PPFIA2: variants seen among roughly 807,000 people sequenced by gnomAD.
PPFIA2 encodes liprin-alpha-2.
In PPFIA2, 46 loss-of-function variants were observed where a neutral mutation model predicts 175.5. The observed-to-expected ratio is 0.26, with a 90% CI of 0.21 to 0.34. The LOEUF (loss-of-function observed/expected upper bound fraction) is 0.34. PPFIA2 is among the 10% of genes least tolerant of loss of function. The pLI is 1.00. For synonymous variants in PPFIA2, 568 were observed against 511.4 expected (o/e 1.11, Z -1.49); for missense variants, 1,179 against 1,506.1 (o/e 0.78, Z 3.60).
At chr12:81,363,910 C>T (rs2032058294) in intron 14 of PPFIA2, among the ~76,000 whole-genome samples, 1 of 151,830 alleles carries the variant, frequency 6.6e-6, no homozygotes, top group Non-Finnish European at 1.5e-5. Flanking sequence ...GCGCTGAGTA[C>T]CTCTTGTGTG....
intron 3 of PPFIA2, among the ~76,000 whole-genome samples, chr12:81,707,743 T>G (rs1260946891): frequency 6.6e-6 from 1 of 151,426 alleles, no homozygotes; most frequent in Non-Finnish European, 1.5e-5. Flanking sequence ...TGCGGCACTA[T>G]TCACAATAGC....
At chr12:81,462,934 G>A (rs929407056) in intron 4 of PPFIA2, among the ~76,000 whole-genome samples, 4 of 151,718 alleles carry the variant, frequency 2.6e-5, no homozygotes, top group Non-Finnish European at 5.9e-5. Flanking sequence ...TTTGTTCATT[G>A]GATCTATCAC....
In PPFIA2 at chr12:81,457,800, T is replaced by C; in HGVS notation, c.370A>G (p.Ile124Val). 6.2e-7 allele frequency: 1 copy of C among 1,610,846 alleles called. No individual in the cohort carries two copies. The highest frequency in any genetic ancestry group is 8.5e-7 in the Non-Finnish European group (1 of 1,178,452). The change falls in exon 5 of 33, where the codon ATC becomes GTC. Residue 124 changes from isoleucine to valine, a missense_variant. Coordinates refer to ENST00000549396, the MANE Select transcript of PPFIA2 (RefSeq NM_003625.5). ...TTTCTTTCAGCTTTAAGTTCAGAGA[T>C]TTCTTCTTCCTTTTCTAGAAGTTGT... Reference protein sequence around the residue: ...REQLLEKEEEISELKAERNNT... With the variant: ...REQLLEKEEEVSELKAERNNT...
At chr12:81,415,211 ATATATATATATATATATATAT>A (rs1472354186) in intron 7 of PPFIA2, among the ~76,000 whole-genome samples, 2 of 8,842 alleles carry the variant, frequency 2.3e-4, no homozygotes, top group African/African-American at 3.6e-4. Context: ...AAAAAAAAAA[ATATATATATATATATATATAT>A]ATATATATAT....
chr12:81,345,292 T>A lies in PPFIA2; in HGVS notation c.2233-599A>T, dbSNP rs970284741. Reference sequence around the variant, plus strand: ...CAATTGATGACAGAATTATATTAGGTGTTAAGGACTTCCTGGATTTCATTT... The same window carrying A: ...CAATTGATGACAGAATTATATTAGGAGTTAAGGACTTCCTGGATTTCATTT... On this transcript the variant is annotated intron_variant, in intron 18 of 32. Coordinates refer to ENST00000549396, the MANE Select transcript of PPFIA2 (RefSeq NM_003625.5). Among the ~76,000 whole-genome samples the A allele has an allele frequency of 5.9e-5, 9 of 152,270 alleles. No homozygotes were observed. The South Asian group carries it at 8.3e-4, about 14-fold the overall frequency.
chr12:81,311,732 CAAA>C lies in PPFIA2; in HGVS notation c.2643-12353_2643-12351del, dbSNP rs1050904857. Among the ~76,000 whole-genome samples, 295 of 48,352 alleles carry C rather than the reference CAAA, an allele frequency of 6.1e-3. 1 individual carries two copies. Among genetic ancestry groups the C allele is most frequent in the African/African-American group, 0.023 (270 of 11,688 alleles). The allele number at this position is 48,352 out of a possible 152,430, so 31.7% of individuals were successfully genotyped here. A position where few individuals can be genotyped will look rare whatever the true frequency, so the allele number is the denominator to read the frequency against. ...TGGGCAACATAGCAAGACTCTGTCTCAAAAAAAAAAAAAAAAAAAAGAAAGAAA... is the reference window on the plus strand; with the variant it reads ...TGGGCAACATAGCAAGACTCTGTCTCAAAAAAAAAAAAAAAAAGAAAGAAA... On this transcript the variant is annotated intron_variant, in intron 22 of 32. Coordinates refer to ENST00000549396, the MANE Select transcript of PPFIA2 (RefSeq NM_003625.5).
In PPFIA2 at chr12:81,585,853, G is replaced by A. The variant is rs116457966; in HGVS notation, c.303+90938C>T. Among the ~76,000 whole-genome samples the A allele has an allele frequency of 3.9e-3, 595 of 151,920 alleles. 2 individuals carry two copies. The highest frequency in any genetic ancestry group is 0.014 in the African/African-American group (560 of 41,464). Reference sequence around the variant, plus strand: ...AAGTTATTATGTACTGTACATAATTGTATGTGCTATACTTTTATATGACTT... The same window carrying A: ...AAGTTATTATGTACTGTACATAATTATATGTGCTATACTTTTATATGACTT... On this transcript the variant is annotated intron_variant, in intron 4 of 32. Transcript: ENST00000549396.
chr12:81,679,868 T>C (rs2073281128), intron 3 of PPFIA2, among the ~76,000 whole-genome samples: 1 of 151,964 alleles, frequency 6.6e-6, no homozygotes, highest in Non-Finnish European at 1.5e-5. Flanking sequence ...TGGATACATT[T>C]ATGTTGTAAA....
intron 24 of PPFIA2, among the ~76,000 whole-genome samples, chr12:81,286,086 A>G (rs1023167536): frequency 6.6e-6 from 1 of 152,052 alleles, no homozygotes; most frequent in Non-Finnish European, 1.5e-5. Flanking sequence ...AAGCTTAAAG[A>G]GGGGAAAAAA....
intron 24 of PPFIA2, chr12:81,294,560 G>A (rs2046013976): frequency 2.9e-6 from 1 of 340,276 alleles, no homozygotes; most frequent in Non-Finnish European, 5.4e-6. Flanking sequence ...TGAAAAAAGA[G>A]TAAGCTCAGG....
chr12:81,629,079 C>T (rs1041208694), intron 4 of PPFIA2, among the ~76,000 whole-genome samples: 4 of 152,088 alleles, frequency 2.6e-5, no homozygotes, highest in African/African-American at 9.7e-5. Context: ...AAGGTAAAAC[C>T]AGCTCAGTAT....
intron 4 of PPFIA2, among the ~76,000 whole-genome samples, chr12:81,641,428 G>A (rs953358206): frequency 3.3e-5 from 5 of 152,054 alleles, no homozygotes; most frequent in African/African-American, 1.2e-4. Context: ...GCCAAGGTAC[G>A]CACACCTTGA....
In PPFIA2 at chr12:81,714,617, A is replaced by T. The variant is rs115983993; in HGVS notation, c.250-37773T>A. Among the ~76,000 whole-genome samples the T allele has an allele frequency of 8.9e-4, 134 of 151,092 alleles. 3 individuals carry two copies. Among genetic ancestry groups the T allele is most frequent in the African/African-American group, 3.1e-3 (127 of 41,476 alleles). ...TGGTTATAGAAAGAAAAGGCAGAAG[A>T]CCAGCCTTGGATATGTTGATATTTT... On this transcript the variant is annotated intron_variant, in intron 3 of 32. Coordinates refer to ENST00000549396, the MANE Select transcript of PPFIA2 (RefSeq NM_003625.5).
At position 81,655,862 on chromosome 12, in the gene PPFIA2, A is replaced by G. The variant is rs116249666; in HGVS notation, c.303+20929T>C. ...AATCAGATCTGCGGAGAAGTAAAAT[A>G]AAATGTTCTACCATGATTGAGGCTT... On this transcript the variant is annotated intron_variant, in intron 4 of 32. Transcript: ENST00000549396. 6.9e-3 allele frequency among the ~76,000 whole-genome samples: 1,047 copies of G among 152,118 alleles called. 14 individuals are homozygous for G. The highest frequency in any genetic ancestry group is 0.022 in the African/African-American group (907 of 41,530).
intron 6 of PPFIA2, among the ~76,000 whole-genome samples, chr12:81,444,952 C>T (rs1047201224): frequency 1.9e-4 from 29 of 151,980 alleles, no homozygotes; most frequent in Non-Finnish European, 3.5e-4. Context: ...AGAACTTATT[C>T]GAGTAACAGC....
chr12:81,349,432 G>T (rs1443655690), intron 17 of PPFIA2, among the ~76,000 whole-genome samples: 1 of 152,054 alleles, frequency 6.6e-6, no homozygotes, highest in Non-Finnish European at 1.5e-5. Flanking sequence ...TACTCTCAAA[G>T]TTTATTTTCA....
At chr12:81,557,599 A>G (rs760396842) in intron 4 of PPFIA2, among the ~76,000 whole-genome samples, 2 of 152,046 alleles carry the variant, frequency 1.3e-5, no homozygotes, top group African/African-American at 4.8e-5. Context: ...AAAGCTATCA[A>G]TTGTTCCAGG....
chr12:81,543,195 G>A (rs534893519), intron 4 of PPFIA2, among the ~76,000 whole-genome samples: 5 of 152,146 alleles, frequency 3.3e-5, no homozygotes, highest in African/African-American at 1.2e-4. Flanking sequence ...AAAGATCCAC[G>A]GAGAAATAGC....
intron 3 of PPFIA2, among the ~76,000 whole-genome samples, chr12:81,717,716 A>C (rs1336183457): frequency 6.6e-6 from 1 of 151,710 alleles, no homozygotes; most frequent in Non-Finnish European, 1.5e-5. Context: ...GAAAGAAACA[A>C]ATTAACCTCA....
Sources: allele counts gnomAD v4.1 joint callset (sites outside exome capture counted in the v4.1 genomes callset), GRCh38; gene constraint gnomAD v4.1.1; transcripts MANE v1.5; gene names NCBI Gene and HGNC (gene_info 2026-07-23, HGNC 2026-07-21).